Variants in PTPDC1 observed in about 807,000 individuals in gnomAD.
PTPDC1 encodes the protein protein tyrosine phosphatase domain containing 1.
In PTPDC1, 53 loss-of-function variants were observed where a neutral mutation model predicts 75.3. The observed-to-expected ratio is 0.70, with a 90% confidence interval of 0.56 to 0.88. The LOEUF (loss-of-function observed/expected upper bound fraction) is 0.88, where lower values mean the gene tolerates loss of function less well. PTPDC1 is among the 40% of genes least tolerant of loss of function. The probability of loss-of-function intolerance (pLI) is 0.00; values close to 1 mark genes in which losing one functional copy is unlikely to be tolerated. For synonymous variants in PTPDC1, 349 were observed against 366.2 expected, an observed-to-expected ratio of 0.95 and a Z score of 0.54; for missense variants, 925 against 998.6, an observed-to-expected ratio of 0.93 and a Z score of 0.99.
chr9:94,048,898 G>A (rs533160249), intron 1 of PTPDC1, among the ~76,000 whole-genome samples: 5 of 152,144 alleles, frequency 3.3e-5, no homozygotes, highest in Non-Finnish European at 7.3e-5. Context: ...CCTGTATTGG[G>A]TGTATATATG....
At chr9:94,059,038 C>A (rs1826045998) in intron 1 of PTPDC1, among the ~76,000 whole-genome samples, 1 of 152,064 alleles carries the variant, frequency 6.6e-6, no homozygotes, top group Non-Finnish European at 1.5e-5. Flanking sequence ...AACATACTGT[C>A]CAAATTTACA....
chr9:94,070,745 T>A (rs1262861615), intron 2 of PTPDC1, among the ~76,000 whole-genome samples: 3 of 152,238 alleles, frequency 2.0e-5, no homozygotes, highest in Non-Finnish European at 4.4e-5. Flanking sequence ...AAAAATGTTA[T>A]GTATATAAAA....
chr9:94,063,608 A>G (rs1826209919), intron 1 of PTPDC1, among the ~76,000 whole-genome samples: 1 of 152,144 alleles, frequency 6.6e-6, no homozygotes, highest in African/African-American at 2.4e-5. Flanking sequence ...ATCAAATAGG[A>G]TTTTAGATTT....
chr9:94,076,302 C>A (rs1482709391), intron 2 of PTPDC1, among the ~76,000 whole-genome samples: 6 of 152,174 alleles, frequency 3.9e-5, no homozygotes, highest in Admixed American at 3.9e-4. Context: ...CTACGCCTGG[C>A]CACTTTGTAC....
chr9:94,066,439 A>T (rs1826308965), intron 2 of PTPDC1, among the ~76,000 whole-genome samples: 2 of 152,172 alleles, frequency 1.3e-5, no homozygotes, highest in Admixed American at 1.3e-4. Context: ...GGGAAAATTT[A>T]ATTGGGGGGA....
intron 2 of PTPDC1, among the ~76,000 whole-genome samples, chr9:94,072,586 G>A (rs1330951668): frequency 6.6e-6 from 1 of 151,804 alleles, no homozygotes; most frequent in Non-Finnish European, 1.5e-5. Flanking sequence ...AGAGTCACAA[G>A]AGCAGAGTCT....
At position 94,084,697 on chromosome 9, in the gene PTPDC1, C is replaced by T; in HGVS notation, c.167C>T (p.Ser56Phe). The T allele has an allele frequency of 1.9e-6, 3 of 1,613,700 alleles. No individual in the cohort carries two copies. Among genetic ancestry groups the T allele is most frequent in the Non-Finnish European group, 2.5e-6 (3 of 1,179,814 alleles). ...GSATKLLSSS[S>F]LQVMVAVSSV... ...GCCACGAAGCTGCTGTCCTCGTCCT[C>T]TCTCCAGGTGATGGTGGCTGTTTCC... The change falls in exon 1 of 9, where the codon TCT becomes TTT. Residue 56 changes from serine to phenylalanine, a missense_variant. Physicochemically the swap from Ser to Phe is radical, Grantham distance 155. Transcript: ENST00000620992.
In PTPDC1 at chr9:94,092,099, G is replaced by T. The variant is rs569274555; in HGVS notation, c.617-3218G>T. Among the ~76,000 whole-genome samples the T allele has an allele frequency of 2.1e-3, 317 of 151,618 alleles. 2 individuals are homozygous for T. Among genetic ancestry groups the T allele is most frequent in the Middle Eastern group, 6.8e-3 (2 of 294 alleles). Reference sequence around the variant, plus strand: ...TCTGTTTCCTTCAGTTCTGCTCTGAGTTTAGTTATTTCTTGCCTTCTGCTA... The same window carrying T: ...TCTGTTTCCTTCAGTTCTGCTCTGATTTTAGTTATTTCTTGCCTTCTGCTA... On this transcript the variant is annotated intron_variant, in intron 4 of 8. Coordinates refer to ENST00000620992, the MANE Select transcript of PTPDC1 (RefSeq NM_001253829.2).
In PTPDC1 at chr9:94,084,708, A is replaced by T; in HGVS notation, c.178A>T (p.Met60Leu). Residue 60 changes from methionine to leucine, a missense_variant, in exon 1 of 9, where the codon ATG becomes TTG. Transcript: ENST00000620992. ...GCTGTCCTCGTCCTCTCTCCAGGTGATGGTGGCTGTTTCCTCAGTCAGCCA... is the reference window on the plus strand; with the variant it reads ...GCTGTCCTCGTCCTCTCTCCAGGTGTTGGTGGCTGTTTCCTCAGTCAGCCA... ...KLLSSSSLQV[M>L]VAVSSVSHAE... 1 of 1,612,262 alleles carries T rather than the reference A, an allele frequency of 6.2e-7. No individual in the cohort carries two copies. Among genetic ancestry groups the T allele is most frequent in the South Asian group, 1.1e-5 (1 of 90,884 alleles).
chr9:94,038,405 T>C (rs534177512), intron 1 of PTPDC1: 2 of 382,750 alleles, frequency 5.2e-6, no homozygotes, highest in African/African-American at 4.2e-5. Context: ...TGTACCATAC[T>C]TTAATAGATC....
chr9:94,096,753 T>A (rs1426151382), intron 5 of PTPDC1, among the ~76,000 whole-genome samples: 1 of 152,098 alleles, frequency 6.6e-6, no homozygotes, highest in Non-Finnish European at 1.5e-5. Context: ...GGAAAAAGAA[T>A]TGCCAAGAAG....
intron 2 of PTPDC1, among the ~76,000 whole-genome samples, chr9:94,069,619 T>A (rs1055224238): frequency 6.6e-6 from 1 of 150,456 alleles, no homozygotes; most frequent in East Asian, 2.0e-4. Context: ...CTCCTCTGTT[T>A]AAGCAATTCT....
chr9:94,034,756 GGA>G (rs1825208621), intron 1 of PTPDC1, among the ~76,000 whole-genome samples: 1 of 151,602 alleles, frequency 6.6e-6, no homozygotes. Context: ...CAATTAATAT[GGA>G]CACTTTATTA....
intron 7 of PTPDC1, 72 bp downstream of exon 7, chr9:94,101,823 C>A: frequency 3.5e-6 from 3 of 860,990 alleles, no homozygotes; most frequent in South Asian, 2.3e-5. Context: ...AAAAAAAATC[C>A]ATTATAAAAA....
At chr9:94,033,636 A>C (rs565398144) in intron 1 of PTPDC1, among the ~76,000 whole-genome samples, 4 of 152,350 alleles carry the variant, frequency 2.6e-5, no homozygotes, top group Middle Eastern at 3.4e-3. Flanking sequence ...GCATGTGTAA[A>C]GCCCTAGTAG....
chr9:94,103,523 A>T (rs1277915467), intron 7 of PTPDC1, among the ~76,000 whole-genome samples: 1 of 152,114 alleles, frequency 6.6e-6, no homozygotes, highest in Admixed American at 6.5e-5. Flanking sequence ...TAGGGCATTT[A>T]TATTGCTTCA....
At position 94,049,054 on chromosome 9, in the gene PTPDC1, T is replaced by A. The variant is rs563534444; in HGVS notation, c.-6-15680T>A. Among the ~76,000 whole-genome samples the A allele has an allele frequency of 2.2e-3, 328 of 152,266 alleles. 1 individual carries two copies. Among genetic ancestry groups the A allele is most frequent in the Non-Finnish European group, 3.8e-3 (259 of 68,014 alleles). ...CCTGCTTATTTTTTTTGTTTTCCAT[T>A]TGGTAGATCTTCCTCCATCCTTTTA... On this transcript the variant is annotated intron_variant, in intron 1 of 9. Transcript: ENST00000375360.
At chr9:94,064,640 C>A in intron 1 of PTPDC1, 1 of 785,172 alleles carries the variant, frequency 1.3e-6, no homozygotes, top group Non-Finnish European at 2.1e-6. Context: ...CCAGTGACTG[C>A]AGCATTGGAT....
At chr9:94,089,076 T>A (rs4390005) in intron 4 of PTPDC1, among the ~76,000 whole-genome samples, 278 of 149,994 alleles carry the variant, frequency 1.9e-3, no homozygotes, top group Non-Finnish European at 3.0e-3. Flanking sequence ...ATTTTATTTT[T>A]TTTTAATTTT....
Sources: allele counts gnomAD v4.1 joint callset (sites outside exome capture counted in the v4.1 genomes callset), GRCh38; gene constraint gnomAD v4.1.1; transcripts MANE v1.5; gene names NCBI Gene and HGNC (gene_info 2026-07-23, HGNC 2026-07-21).